Variants in DMRT3 observed in about 807,000 individuals in gnomAD.
DMRT3 encodes doublesex- and mab-3-related transcription factor 3.
A neutral mutation model predicts 34.9 loss-of-function variants in DMRT3; 29 were observed. The observed-to-expected ratio is 0.83, with a 90% CI of 0.62 to 1.13. The LOEUF (loss-of-function observed/expected upper bound fraction) is 1.13. Among genes scored for constraint, DMRT3 ranks in the 50% most tolerant of loss-of-function variants. DMRT3 has a pLI of 0.00. For missense variants in DMRT3, 772 were observed against 629.1 expected (o/e 1.23, Z -2.43); for synonymous variants, 350 against 286.0 (o/e 1.22, Z -2.26).
Position 990,211 on chromosome 9 carries a change from A to C in DMRT3, c.625A>C (p.Lys209Gln), listed in dbSNP as rs1820336687. Residue 209 changes from lysine to glutamine, a missense_variant, in exon 2 of 2, where the codon AAA (lysine) becomes CAA (glutamine). Physicochemically the swap from Lys to Gln is moderately conservative, Grantham distance 53. Transcript: ENST00000190165. ...GGAGGAAGGGGGATACGCTGTCCAG[A>C]AAAACGGAGGCAACCCCGAGAGCCG... The part of the protein sequence containing the change: ...SVEEGGYAVQ[K>Q]NGGNPESRPD... The C allele has an allele frequency of 1.2e-6, 2 of 1,614,044 alleles. No homozygotes were observed. The highest frequency in any genetic ancestry group is 4.5e-5 in the East Asian group (2 of 44,856).
rs188630847 is a variant in DMRT3 at position 990,110 on chromosome 9, C to T, written c.524C>T (p.Thr175Ile). ...ACAGAGGTCTTCAGTGACAAAGACA[C>T]TGACCAGAGGAGTTCCCCAGATGTG... ...DNTEVFSDKD[T>I]DQRSSPDVAK... The change falls in exon 2 of 2, where the codon ACT (threonine) becomes ATT (isoleucine). Residue 175 changes from threonine to isoleucine, a missense_variant. By Grantham distance (89) the Thr-to-Ile change is moderately conservative. Coordinates refer to ENST00000190165, the MANE Select transcript of DMRT3 (RefSeq NM_021240.4). 8.1e-6 allele frequency: 13 copies of T among 1,614,064 alleles called. No individual in the cohort carries two copies. Among genetic ancestry groups the T allele is most frequent in the Non-Finnish European group, 1.1e-5 (13 of 1,180,026 alleles).
intron 1 of DMRT3, among the ~76,000 whole-genome samples, chr9:987,174 C>T (rs868665424): frequency 1.6e-4 from 25 of 152,146 alleles, no homozygotes; most frequent in East Asian, 7.7e-4. Context: ...TCATTCCAGA[C>T]GGAAACTCCA....
At chr9:988,984 C>T (rs370331528) in intron 1 of DMRT3, among the ~76,000 whole-genome samples, 12 of 152,204 alleles carry the variant, frequency 7.9e-5, no homozygotes, top group African/African-American at 2.9e-4. Flanking sequence ...GTGTGCTTAG[C>T]CCTGCAATAT....
chr9:986,497 CA>C (rs942143187), intron 1 of DMRT3, among the ~76,000 whole-genome samples: 38 of 152,160 alleles, frequency 2.5e-4, no homozygotes, highest in African/African-American at 9.2e-4. Flanking sequence ...CCTGAGAAAA[CA>C]CTTCCTAATA....
chr9:984,350 C>T (rs192900974), intron 1 of DMRT3, among the ~76,000 whole-genome samples: 11 of 152,128 alleles, frequency 7.2e-5, no homozygotes, highest in African/African-American at 2.4e-4. Flanking sequence ...CCTCTCTGCT[C>T]GAGTTTTTCT....
intron 1 of DMRT3, among the ~76,000 whole-genome samples, chr9:982,934 G>A (rs1820239915): frequency 6.6e-6 from 1 of 152,136 alleles, no homozygotes; most frequent in Non-Finnish European, 1.5e-5. Context: ...AGTCCTGTGT[G>A]GCTCTGATGG....
chr9:986,663 C>T (rs1025558815), intron 1 of DMRT3, among the ~76,000 whole-genome samples: 4 of 152,002 alleles, frequency 2.6e-5, no homozygotes, highest in East Asian at 3.9e-4. Context: ...GAGGCTGAGG[C>T]GGGTGGATCA....
Position 977,174 on chromosome 9 carries a change from G to T in DMRT3, c.173G>T (p.Cys58Phe). 1 of 1,610,734 alleles carries T rather than the reference G, an allele frequency of 6.2e-7. No individual in the cohort carries two copies. The highest frequency in any genetic ancestry group is 8.5e-7 in the Non-Finnish European group (1 of 1,178,780). ...TTCAAGGACTGCACCTGCGAGAAGT[G>T]CATCCTCATCATCGAGCGGCAGCGG... ...CRFKDCTCEK[C>F]ILIIERQRVM... The change falls in exon 1 of 2, where the codon TGC becomes TTC. Residue 58 changes from cysteine (C) to phenylalanine (F), a missense_variant. Physicochemically the swap from Cys to Phe is radical, Grantham distance 205. Transcript: ENST00000190165.
Position 990,914 on chromosome 9 carries a change from C to T in DMRT3, c.1328C>T (p.Pro443Leu), listed in dbSNP as rs1288292129. Residue 443 changes from proline to leucine, a missense_variant, in exon 2 of 2, where the codon CCA (proline) becomes CTA (leucine). By Grantham distance (98) the Pro-to-Leu change is moderately conservative (BLOSUM62 -3). Coordinates refer to ENST00000190165, the MANE Select transcript of DMRT3 (RefSeq NM_021240.4). Reference protein sequence around the residue: ...PRISIPDDGCPFVSKQSIYTE... With the variant: ...PRISIPDDGCLFVSKQSIYTE... The stretch of plus-strand genomic sequence containing the variant: ...ATTTCCATCCCTGATGATGGGTGTC[C>T]ATTTGTGTCAAAGCAGTCCATTTAC... 1 of 1,614,118 alleles carries T rather than the reference C, an allele frequency of 6.2e-7. No individual in the cohort carries two copies. The highest frequency in any genetic ancestry group is 8.5e-7 in the Non-Finnish European group (1 of 1,180,018).
At chr9:989,516 G>T (rs1220855433) in intron 1 of DMRT3, among the ~76,000 whole-genome samples, 2 of 152,174 alleles carry the variant, frequency 1.3e-5, no homozygotes, top group African/African-American at 4.8e-5. Flanking sequence ...CTTACTGATT[G>T]GTTCATAAGA....
intron 1 of DMRT3, 155 bp from the exon 2 acceptor site, chr9:989,886 A>G (rs1820330689): frequency 2.3e-6 from 2 of 883,040 alleles, no homozygotes; most frequent in Non-Finnish European, 1.7e-6. Context: ...TGCCAGTGAT[A>G]TAGTTCGAAT....
rs1303470760 is a variant in DMRT3 at position 990,293 on chromosome 9, C to T, written c.707C>T (p.Ser236Leu). 14 of 1,613,708 alleles carry T rather than the reference C, an allele frequency of 8.7e-6. No individual in the cohort carries two copies. The highest frequency in any genetic ancestry group is 5.5e-5 in the South Asian group (5 of 91,060). ...AATCACCTCCTGATTGAGGGCCCCT[C>T]GGGGACTGTTTCTCTGCCCTTCAGC... is the stretch of plus-strand genomic sequence containing the variant. ...EQNHLLIEGP[S>L]GTVSLPFSLK... Residue 236 changes from serine to leucine, a missense_variant, in exon 2 of 2, where the codon TCG (serine) becomes TTG (leucine). Transcript: ENST00000190165.
chr9:981,649 G>A (rs1820222463), intron 1 of DMRT3, among the ~76,000 whole-genome samples: 4 of 152,132 alleles, frequency 2.6e-5, no homozygotes, highest in Admixed American at 2.6e-4. Context: ...TGCAGTTGCT[G>A]TGTGTGTGTT....
chr9:991,081 A>G lies in DMRT3; in HGVS notation c.*76A>G. The G allele has an allele frequency of 2.0e-6, 3 of 1,516,606 alleles. No homozygotes were observed. 93.9% of individuals were successfully genotyped at this position (1,516,606 alleles called of 1,614,324 possible). A position where few individuals can be genotyped will look rare whatever the true frequency, so the allele number is the denominator to read the frequency against. Reference sequence around the variant, plus strand: ...CCTGAGGCATCTGAGGAGAGGCCACATCTTGTGTATGCCCTTTCCTTCTGT... The same window carrying G: ...CCTGAGGCATCTGAGGAGAGGCCACGTCTTGTGTATGCCCTTTCCTTCTGT... On this transcript the variant is annotated 3_prime_UTR_variant, in exon 2 of 2. Transcript: ENST00000190165.
In DMRT3 at chr9:990,728, C is replaced by T. The variant is rs1175833519; in HGVS notation, c.1142C>T (p.Ser381Leu). The T allele has an allele frequency of 3.7e-6, 6 of 1,614,004 alleles. No homozygotes were observed. Among genetic ancestry groups the T allele is most frequent in the East Asian group, 2.2e-5 (1 of 44,884 alleles). ...MLRNTLARSQ[S>L]SPFLPNDVTL... is the part of the protein sequence containing the mutation. ...AGGAATACTTTGGCGAGAAGCCAGT[C>T]GAGCCCCTTTTTGCCCAATGATGTC... is the stretch of plus-strand genomic sequence containing the variant. Residue 381 changes from serine (S) to leucine (L), a missense_variant, in exon 2 of 2, where the codon TCG (serine) becomes TTG (leucine). Ser to Leu is a moderately radical substitution (Grantham distance 145). Coordinates refer to ENST00000190165, the MANE Select transcript of DMRT3 (RefSeq NM_021240.4).
Position 976,733 on chromosome 9 carries a change from C to T in DMRT3, c.-269C>T, listed in dbSNP as rs1464960221. Among the ~76,000 whole-genome samples, 2 of 152,196 alleles carry T rather than the reference C, an allele frequency of 1.3e-5. No individual in the cohort carries two copies. Among genetic ancestry groups the T allele is most frequent in the East Asian group, 3.9e-4 (2 of 5,178 alleles). ...GCCGCAGCGCCTCCGCGAAGGAGGA[C>T]GTGCCGACCCGGCTGCGCGCCCAAG... is the stretch of plus-strand genomic sequence containing the variant. On this transcript the variant is annotated 5_prime_UTR_variant, in exon 1 of 2. It adds an upstream start codon to the 5' untranslated region. Transcript: ENST00000190165. The surrounding 1 kb of genome is among the most constrained non-coding windows in gnomAD (Gnocchi z 4.5).
At chr9:981,830 G>C (rs148846518) in intron 1 of DMRT3, among the ~76,000 whole-genome samples, 3 of 152,112 alleles carry the variant, frequency 2.0e-5, no homozygotes, top group African/African-American at 7.2e-5. Flanking sequence ...TGCTGGGGAC[G>C]GCTCTTTCCT....
At chr9:986,379 G>A (rs1820282345) in intron 1 of DMRT3, among the ~76,000 whole-genome samples, 1 of 151,444 alleles carries the variant, frequency 6.6e-6, no homozygotes, top group South Asian at 2.1e-4. Flanking sequence ...CATTATGTTA[G>A]TGAGAACCTC....
At chr9:984,960 T>C (rs948569847) in intron 1 of DMRT3, among the ~76,000 whole-genome samples, 1 of 152,158 alleles carries the variant, frequency 6.6e-6, no homozygotes, top group African/African-American at 2.4e-5. Flanking sequence ...CTTTAAAGTC[T>C]TGTAGCAAAA....
Sources: gnomAD v4.1 joint callset for allele counts (sites outside exome capture counted in the v4.1 genomes callset) on GRCh38, gnomAD v4.1.1 for gene constraint, Gnocchi (gnomAD v3.1) non-coding constraint, MANE v1.5 for transcripts, NCBI Gene and HGNC (gene_info 2026-07-23, HGNC 2026-07-21) for gene names.